Variants in DCC observed in about 807,000 individuals in gnomAD.
DCC encodes DCC netrin 1 receptor.
A neutral mutation model predicts 172.5 loss-of-function variants in DCC; 58 were observed. The observed-to-expected ratio is 0.34, with a 90% CI of 0.27 to 0.42. DCC has a LOEUF of 0.42. Ranked by LOEUF, DCC falls within the 10% of genes least tolerant of loss-of-function variation. The pLI, the probability that DCC is intolerant of heterozygous loss-of-function variation, is 1.00. For missense variants in DCC, 1,740 were observed against 1,791.0 expected (o/e 0.97, Z 0.51); for synonymous variants, 709 against 644.5 (o/e 1.10, Z -1.52).
At chr18:52,802,611 C>T (rs76800869) in intron 2 of DCC, among the ~76,000 whole-genome samples, 6,185 of 126,210 alleles carry the variant, frequency 0.049, 216 homozygotes, top group South Asian at 0.19. Flanking sequence ...TCTGAGTAAT[C>T]GGAACCACAG....
intron 2 of DCC, among the ~76,000 whole-genome samples, chr18:52,774,770 G>C (rs980260685): frequency 3.9e-5 from 1 of 25,592 alleles, no homozygotes; most frequent in African/African-American, 1.2e-4. Flanking sequence ...GTTAAGGAGA[G>C]GTGCCCCTGA....
intron 7 of DCC, among the ~76,000 whole-genome samples, chr18:53,141,893 C>T (rs1254523617): frequency 6.6e-6 from 1 of 152,134 alleles, no homozygotes; most frequent in Admixed American, 6.5e-5. Context: ...CAGGGAAGTA[C>T]ATTGAACACC....
At chr18:53,236,997 A>G (rs2056212737) in intron 12 of DCC, 1 of 152,014 alleles carries the variant, frequency 6.6e-6, no homozygotes, top group South Asian at 2.1e-4. Flanking sequence ...CTTGAAATCA[A>G]GCAGTATTAA....
At chr18:53,270,305 T>C (rs1438592143) in intron 12 of DCC, among the ~76,000 whole-genome samples, 2 of 152,142 alleles carry the variant, frequency 1.3e-5, no homozygotes, top group Non-Finnish European at 2.9e-5. Context: ...GCTTTGAAGA[T>C]GGTGGTCTGA....
chr18:52,812,424 C>T (rs945499878), intron 2 of DCC, among the ~76,000 whole-genome samples: 1 of 152,134 alleles, frequency 6.6e-6, no homozygotes, highest in African/African-American at 2.4e-5. Context: ...GTACAACCAA[C>T]AATTCACTTT....
At chr18:52,894,396 TACACACAC>T (rs34974743) in intron 2 of DCC, among the ~76,000 whole-genome samples, 4 of 148,810 alleles carry the variant, frequency 2.7e-5, no homozygotes, top group East Asian at 2.0e-4. Flanking sequence ...ACAGGACACA[TACACACAC>T]ACACACACAC....
At chr18:52,920,354 A>G (rs2040103908) in intron 3 of DCC, among the ~76,000 whole-genome samples, 1 of 152,140 alleles carries the variant, frequency 6.6e-6, no homozygotes, top group African/African-American at 2.4e-5. Flanking sequence ...AAATTATTAA[A>G]AGGAAAGAAA....
intron 2 of DCC, among the ~76,000 whole-genome samples, chr18:52,784,424 A>G (rs1383157827): frequency 6.6e-6 from 1 of 152,090 alleles, no homozygotes; most frequent in African/African-American, 2.4e-5. Context: ...CATTGGATAA[A>G]TACCTAGTGG....
rs150349649 is a variant in DCC at position 52,550,735 on chromosome 18, C to G, written c.92-201319C>G. On this transcript the variant is annotated intron_variant, in intron 1 of 28. Transcript: ENST00000442544. ...AGGCCACCAAAGCTGACTGTGGTAC[C>G]TCTTTCCATCTCTCCTCTATTAGGA... Among the ~76,000 whole-genome samples the G allele has an allele frequency of 2.0e-4, 31 of 152,194 alleles. No homozygotes were observed. The East Asian group carries it at 5.0e-3, about 25-fold the overall frequency.
At chr18:53,506,859 CAAAA>C (rs34848744) in intron 27 of DCC, among the ~76,000 whole-genome samples, 6 of 133,362 alleles carry the variant, frequency 4.5e-5, no homozygotes, top group Non-Finnish European at 1.6e-5. Context: ...GACTCCATCT[CAAAA>C]AAAAAAAAAA....
At chr18:53,284,308 A>G (rs1205315243) in intron 12 of DCC, among the ~76,000 whole-genome samples, 1 of 152,120 alleles carries the variant, frequency 6.6e-6, no homozygotes, top group Admixed American at 6.5e-5. Flanking sequence ...TCCAAATCTC[A>G]TCTTGAATTG....
rs533927138 is a variant in DCC at position 52,801,685 on chromosome 18, T to A, written c.412+49311T>A. 4.6e-5 allele frequency among the ~76,000 whole-genome samples: 7 copies of A among 152,342 alleles called. No homozygotes were observed. In the South Asian group the frequency reaches 1.4e-3, roughly 32 times the overall value. On this transcript the variant is annotated intron_variant, in intron 2 of 28. Coordinates refer to ENST00000442544, the MANE Select transcript of DCC (RefSeq NM_005215.4). ...AAGAAGGTTATAAGCCACGTTCAAA[T>A]TTGGAATCTAGGAACCCCTTCATTT...
chr18:52,474,684 G>T (rs1472615573), intron 1 of DCC, among the ~76,000 whole-genome samples: 1 of 152,136 alleles, frequency 6.6e-6, no homozygotes. Flanking sequence ...AGGAAACAGA[G>T]GTCTAGAAAA....
In DCC at chr18:53,386,077, T is replaced by C; in HGVS notation, c.2394T>C (p.Ala798=). 1.9e-6 allele frequency: 3 copies of C among 1,613,474 alleles called. No individual in the cohort carries two copies. The highest frequency in any genetic ancestry group is 8.5e-7 in the Non-Finnish European group (1 of 1,179,426). ...SSSHYVISLK[A]FNNAGEGVPL... ...CCCATTATGTAATCTCCCTAAAAGC[T>C]TTTAACAATGCCGGAGAAGGAGTTC... The change falls in exon 16 of 29, where the codon GCT becomes GCC. Residue 798 remains alanine (A), a synonymous_variant. Coordinates refer to ENST00000442544, the MANE Select transcript of DCC (RefSeq NM_005215.4).
chr18:52,833,774 C>T (rs1418355081), intron 2 of DCC, among the ~76,000 whole-genome samples: 1 of 152,168 alleles, frequency 6.6e-6, no homozygotes, highest in Non-Finnish European at 1.5e-5. Flanking sequence ...AGTCCTCCTG[C>T]CTCAGCCTCC....
chr18:52,985,766 C>T (rs1309836027), intron 5 of DCC, among the ~76,000 whole-genome samples: 2 of 150,884 alleles, frequency 1.3e-5, no homozygotes. Context: ...ATTTATTTAT[C>T]TTTTGGCTCA....
intron 1 of DCC, among the ~76,000 whole-genome samples, chr18:52,683,849 G>A (rs1489000873): frequency 4.6e-5 from 7 of 152,072 alleles, no homozygotes; most frequent in South Asian, 2.1e-4. Context: ...TAAAAACCAC[G>A]TATGTACTGT....
chr18:52,514,145 A>G (rs960960485), intron 1 of DCC, among the ~76,000 whole-genome samples: 2 of 152,136 alleles, frequency 1.3e-5, no homozygotes, highest in African/African-American at 2.4e-5. Flanking sequence ...CTCTCTGTAT[A>G]TATGTGTATA....
intron 13 of DCC, among the ~76,000 whole-genome samples, chr18:53,313,092 A>C (rs916741780): frequency 5.4e-5 from 8 of 147,194 alleles, no homozygotes; most frequent in African/African-American, 2.0e-4. Flanking sequence ...AAAAGGAAGG[A>C]AGGGAGGGAA....
Sources: gnomAD v4.1 joint callset for allele counts (sites outside exome capture counted in the v4.1 genomes callset) on GRCh38, gnomAD v4.1.1 for gene constraint, MANE v1.5 for transcripts, NCBI Gene and HGNC (gene_info 2026-07-23, HGNC 2026-07-21) for gene names.